The following KIF15 variants were observed in gnomAD, a reference collection of about 807,000 sequenced individuals.
KIF15 encodes kinesin family member 15.
A neutral mutation model predicts 190.6 loss-of-function variants in KIF15; 140 were observed. That is an observed-to-expected ratio of 0.73 (90% CI 0.64 to 0.84). The LOEUF (loss-of-function observed/expected upper bound fraction) is 0.84. KIF15 is among the 40% of genes least tolerant of loss of function. KIF15 has a pLI of 0.00. For missense variants in KIF15, 1,372 were observed against 1,584.4 expected, an observed-to-expected ratio of 0.87 and a Z score of 2.28; for synonymous variants, 528 against 551.3, an observed-to-expected ratio of 0.96 and a Z score of 0.59.
At chr3:44,826,533 T>A in intron 22 of KIF15, 73 bp downstream of exon 22, 1 of 1,071,624 alleles carries the variant, frequency 9.3e-7, no homozygotes, top group Non-Finnish European at 1.4e-6. Flanking sequence ...CTTGTTTTTT[T>A]TTTATTGCCA....
Position 44,784,914 on chromosome 3 carries a change from T to C in KIF15, c.431T>C (p.Phe144Ser), listed in dbSNP as rs1706338351. 1.3e-6 allele frequency: 2 copies of C among 1,574,080 alleles called. No individual in the cohort carries two copies. Among genetic ancestry groups the C allele is most frequent in the South Asian group, 2.3e-5 (2 of 86,748 alleles). Reference protein sequence around the residue: ...GVIPRSFEYLFSLIDREKEKA... With the variant: ...GVIPRSFEYLSSLIDREKEKA... ...ATCCCACGAAGTTTTGAATATTTGT[T>C]TTCCTTAATTGATCGTGAAAAAGAA... The change falls in exon 6 of 35, where the codon TTT becomes TCT. Residue 144 changes from phenylalanine to serine, a missense_variant. Phe to Ser is a radical substitution (Grantham distance 155). Coordinates refer to ENST00000326047, the MANE Select transcript of KIF15 (RefSeq NM_020242.3).
At chr3:44,864,468 C>A in intron 6 of KIF15, 2 of 1,203,504 alleles carry the variant, frequency 1.7e-6, no homozygotes, top group South Asian at 1.4e-5. Flanking sequence ...TGGGCTGTGG[C>A]TTGACCCCTG....
At chr3:44,793,774 A>G (rs1706834222) in intron 7 of KIF15, among the ~76,000 whole-genome samples, 1 of 152,122 alleles carries the variant, frequency 6.6e-6, no homozygotes, top group African/African-American at 2.4e-5. Context: ...CTATGAAAGT[A>G]GATAATTAGC....
chr3:44,857,253 G>T (rs1269487069), downstream of KIF15, among the ~76,000 whole-genome samples: 1 of 152,204 alleles, frequency 6.6e-6, no homozygotes, highest in Non-Finnish European at 1.5e-5. Flanking sequence ...AGCTGAAGGA[G>T]TCGGGAAGCA....
intron 26 of KIF15, among the ~76,000 whole-genome samples, chr3:44,832,205 G>A (rs750074685): frequency 6.6e-6 from 1 of 152,212 alleles, no homozygotes; most frequent in African/African-American, 2.4e-5. Context: ...GTGAACATGT[G>A]TGGAGTGTCC....
chr3:44,778,369 G>T (rs1206699362), intron 4 of KIF15, among the ~76,000 whole-genome samples, 178 bp downstream of exon 4: 3 of 152,192 alleles, frequency 2.0e-5, no homozygotes, highest in Non-Finnish European at 1.5e-5. Context: ...CGTCAGCAGG[G>T]ATGCAATTCT....
chr3:44,858,922 C>T (rs768274374), intron 6 of KIF15, among the ~76,000 whole-genome samples: 1 of 152,332 alleles, frequency 6.6e-6, no homozygotes, highest in Non-Finnish European at 1.5e-5. Flanking sequence ...GCCTCCAAGG[C>T]GATCGGGCAG....
chr3:44,804,863 A>G lies in KIF15; in HGVS notation c.1688-164A>G, dbSNP rs183137877. On this transcript the variant is annotated intron_variant, in intron 14 of 34. Transcript: ENST00000326047. ...GTGGCATGCACCTGTAGTCCCAACT[A>G]TTTGGGAGGCTAAAGCAGGGGGTTC... is the stretch of plus-strand genomic sequence containing the variant. 2.0e-3 allele frequency among the ~76,000 whole-genome samples: 301 copies of G among 152,160 alleles called. 1 individual carries two copies. Among genetic ancestry groups the G allele is most frequent in the Non-Finnish European group, 3.8e-3 (257 of 68,002 alleles).
At chr3:44,868,591 A>G (rs992652235) in intron 6 of KIF15, among the ~76,000 whole-genome samples, 3 of 152,210 alleles carry the variant, frequency 2.0e-5, no homozygotes, top group Non-Finnish European at 4.4e-5. Flanking sequence ...CAAGCCAGGA[A>G]AAGGGCCCTC....
At chr3:44,845,115 C>T (rs1559591588) in intron 30 of KIF15, among the ~76,000 whole-genome samples, 1 of 152,194 alleles carries the variant, frequency 6.6e-6, no homozygotes, top group Non-Finnish European at 1.5e-5. Context: ...ACAGCCATGA[C>T]TCTGCGAATA....
intron 20 of KIF15, 95 bp downstream of exon 20, chr3:44,815,171 T>C: frequency 9.1e-7 from 1 of 1,093,424 alleles, no homozygotes; most frequent in Non-Finnish European, 1.3e-6. Flanking sequence ...TCAAAGCAGT[T>C]AGACAAATAA....
At chr3:44,832,645 G>T (rs2125701968) in intron 26 of KIF15, among the ~76,000 whole-genome samples, 1 of 152,266 alleles carries the variant, frequency 6.6e-6, no homozygotes, top group Middle Eastern at 3.4e-3. Context: ...ATCCAAGATG[G>T]CTATTCCCAG....
chr3:44,841,281 A>G, intron 29 of KIF15, 43 bp downstream of exon 29: 3 of 1,528,470 alleles, frequency 2.0e-6, no homozygotes, highest in Middle Eastern at 2.3e-4. Flanking sequence ...ATTTTTAAAG[A>G]GACCAAGTCT....
At chr3:44,861,933 G>T in intron 6 of KIF15, 2 of 1,441,508 alleles carry the variant, frequency 1.4e-6, no homozygotes, top group Non-Finnish European at 1.8e-6. Flanking sequence ...ACATGGCCGA[G>T]AGGCCGGGGC....
chr3:44,822,406 A>T (rs1296710385), intron 20 of KIF15, among the ~76,000 whole-genome samples: 3 of 152,104 alleles, frequency 2.0e-5, no homozygotes, highest in African/African-American at 7.2e-5. Context: ...TTTGTGGGTA[A>T]CCCGACCTTT....
chr3:44,785,077 A>G, intron 6 of KIF15, 135 bp downstream of exon 6: 1 of 505,350 alleles, frequency 2.0e-6, no homozygotes, highest in Non-Finnish European at 3.5e-6. Context: ...TGGCATAAAA[A>G]AAAACCTTTC....
chr3:44,792,389 A>G (rs1706749246), intron 7 of KIF15, among the ~76,000 whole-genome samples: 1 of 151,990 alleles, frequency 6.6e-6, no homozygotes, highest in African/African-American at 2.4e-5. Flanking sequence ...TGGGAGGATC[A>G]TTTGAGCCTG....
intron 4 of KIF15, among the ~76,000 whole-genome samples, chr3:44,779,656 A>C (rs1169079509): frequency 6.6e-6 from 1 of 150,804 alleles, no homozygotes; most frequent in Non-Finnish European, 1.5e-5. Flanking sequence ...AAGATGGTGA[A>C]ACCCCATCTC....
intron 1 of KIF15, among the ~76,000 whole-genome samples, chr3:44,771,580 T>C (rs973498647): frequency 1.3e-5 from 2 of 152,330 alleles, no homozygotes; most frequent in South Asian, 2.1e-4. Flanking sequence ...CTGTTGAATA[T>C]GTTAGAGGTT....
Sources: gnomAD v4.1 joint callset for allele counts (sites outside exome capture counted in the v4.1 genomes callset) on GRCh38, gnomAD v4.1.1 for gene constraint, MANE v1.5 for transcripts, NCBI Gene and HGNC (gene_info 2026-07-23, HGNC 2026-07-21) for gene names.